The following STPG2 variants were observed in gnomAD, a reference collection of about 807,000 sequenced individuals.
STPG2 encodes sperm tail PG-rich repeat containing 2.
In STPG2, 56 loss-of-function variants were observed where a neutral mutation model predicts 54.2. The ratio of observed to expected loss-of-function variants is 1.03; its 90% CI spans 0.83 to 1.29. The LOEUF is 1.29. Ranked by LOEUF, STPG2 falls within the 50% of genes most tolerant of loss-of-function variation. The pLI is 0.00. For missense variants in STPG2, 596 were observed against 544.9 expected, an observed-to-expected ratio of 1.09 and a Z score of -0.93; for synonymous variants, 200 against 181.8, an observed-to-expected ratio of 1.10 and a Z score of -0.81.
chr4:97,548,519 G>A (rs574608600), intron 4 of STPG2, among the ~76,000 whole-genome samples: 2 of 152,230 alleles, frequency 1.3e-5, no homozygotes, highest in East Asian at 3.9e-4. Context: ...AAGCCAAAGA[G>A]AGTAAGCATT....
chr4:97,723,705 T>C lies in STPG2; in HGVS notation c.1205-10891A>G, dbSNP rs537325381. On this transcript the variant is annotated intron_variant, in intron 9 of 10. Transcript: ENST00000295268. ...CAGAAAAGGTTTAATTGACTCACATTTCCATGTGGCTAGGGAGGCCTCAGG... is the reference window on the plus strand; with the variant it reads ...CAGAAAAGGTTTAATTGACTCACATCTCCATGTGGCTAGGGAGGCCTCAGG... Among the ~76,000 whole-genome samples, 619 of 152,288 alleles carry C rather than the reference T, an allele frequency of 4.1e-3. 7 individuals carry two copies. Among genetic ancestry groups the C allele is most frequent in the Middle Eastern group, 0.034 (10 of 294 alleles).
intron 5 of STPG2, among the ~76,000 whole-genome samples, chr4:98,104,018 A>T (rs1170800424): frequency 6.6e-6 from 1 of 152,180 alleles, no homozygotes; most frequent in Non-Finnish European, 1.5e-5. Context: ...TTATCTGCTC[A>T]TCATAATGAG....
intron 10 of STPG2, among the ~76,000 whole-genome samples, chr4:97,653,809 G>A (rs953094830): frequency 6.6e-6 from 1 of 152,130 alleles, no homozygotes; most frequent in Admixed American, 6.6e-5. Context: ...TGTGGGAGGT[G>A]CTGTAAGCAA....
chr4:97,888,137 G>A (rs1730646571), intron 8 of STPG2, among the ~76,000 whole-genome samples: 2 of 152,218 alleles, frequency 1.3e-5, no homozygotes, highest in South Asian at 2.1e-4. Flanking sequence ...GCCTCAAAGG[G>A]AACCCCTACT....
intron 4 of STPG2, among the ~76,000 whole-genome samples, chr4:97,488,175 A>G (rs1414072884): frequency 6.6e-6 from 1 of 151,702 alleles, no homozygotes; most frequent in Admixed American, 6.6e-5. Context: ...ATCAAAATAA[A>G]TGAACCAAAT....
In STPG2 at chr4:98,034,162, G is replaced by C. The variant is rs565355372; in HGVS notation, c.613-52844C>G. On this transcript the variant is annotated intron_variant, in intron 5 of 10. Coordinates refer to ENST00000295268, the MANE Select transcript of STPG2 (RefSeq NM_174952.3). ...AATTAGGAAAAGAGGAACTCAAATT[G>C]TCTCTGTTTGCAGATGACATGATTG... Among the ~76,000 whole-genome samples the C allele has an allele frequency of 3.3e-5, 5 of 152,258 alleles. No individual in the cohort carries two copies. In the South Asian group the frequency reaches 8.3e-4, roughly 25 times the overall value.
At position 97,797,458 on chromosome 4, in the gene STPG2, G is replaced by T. The variant is rs566521584; in HGVS notation, c.1204+43315C>A. 2.8e-3 allele frequency among the ~76,000 whole-genome samples: 431 copies of T among 152,162 alleles called. 3 individuals are homozygous for T. The highest frequency in any genetic ancestry group is 9.5e-3 in the African/African-American group (393 of 41,516). The stretch of plus-strand genomic sequence containing the variant: ...CTATTGAGATAATCCTGTGGTTTTT[G>T]TCTTTGGTTCTGTTTATATGCTGGA... On this transcript the variant is annotated intron_variant, in intron 9 of 10. Coordinates refer to ENST00000295268, the MANE Select transcript of STPG2 (RefSeq NM_174952.3).
intron 10 of STPG2, among the ~76,000 whole-genome samples, chr4:97,580,202 G>A (rs1023921000): frequency 4.0e-5 from 6 of 151,816 alleles, no homozygotes; most frequent in South Asian, 2.1e-4. Flanking sequence ...CTCATTGTCC[G>A]TATTTATTCT....
At chr4:97,731,806 A>G (rs1249315365) in intron 9 of STPG2, among the ~76,000 whole-genome samples, 2 of 152,216 alleles carry the variant, frequency 1.3e-5, no homozygotes, top group Non-Finnish European at 2.9e-5. Context: ...CTGCATCTAC[A>G]GATCTCAGCT....
At chr4:97,971,131 A>G (rs571623023) in intron 7 of STPG2, among the ~76,000 whole-genome samples, 1 of 152,238 alleles carries the variant, frequency 6.6e-6, no homozygotes, top group Non-Finnish European at 1.5e-5. Flanking sequence ...TAGAATGGTG[A>G]TCATTAAAAA....
At chr4:98,094,106 C>A (rs935580805) in intron 5 of STPG2, among the ~76,000 whole-genome samples, 7 of 152,118 alleles carry the variant, frequency 4.6e-5, no homozygotes, top group Admixed American at 3.9e-4. Context: ...TGCCGTGCCT[C>A]CCACAATCCC....
At chr4:98,091,427 G>C (rs1025689745) in intron 5 of STPG2, among the ~76,000 whole-genome samples, 1 of 151,994 alleles carries the variant, frequency 6.6e-6, no homozygotes, top group Non-Finnish European at 1.5e-5. Context: ...CTCATTGCCT[G>C]GAATGTTGTA....
chr4:97,546,342 A>G (rs946743064), intron 4 of STPG2, among the ~76,000 whole-genome samples: 1 of 152,058 alleles, frequency 6.6e-6, no homozygotes, highest in East Asian at 1.9e-4. Flanking sequence ...TAGAAAGTAG[A>G]CAGATATTAC....
intron 10 of STPG2, among the ~76,000 whole-genome samples, chr4:97,621,821 C>T (rs1156319638): frequency 6.6e-6 from 1 of 152,056 alleles, no homozygotes; most frequent in Non-Finnish European, 1.5e-5. Flanking sequence ...AGCCACACAA[C>T]AAAAAACGAA....
intron 5 of STPG2, among the ~76,000 whole-genome samples, chr4:98,061,801 T>C (rs1213452860): frequency 1.3e-5 from 2 of 151,980 alleles, no homozygotes; most frequent in Non-Finnish European, 1.5e-5. Context: ...AAATAACAGA[T>C]GTTGGTGAGG....
rs1730713874 is a variant in STPG2, at chr4:97,500,989, G to T, written c.462+211710C>A. ...TCAATCAAGCACTTTCAAAACTATG[G>T]CATGTAAGAACCTGTTTTTCTACTG... On this transcript the variant is annotated intron_variant, in intron 4 of 4. Coordinates refer to the STPG2 transcript ENST00000522676. Among the ~76,000 whole-genome samples the T allele has an allele frequency of 3.3e-5, 5 of 152,140 alleles. No individual in the cohort carries two copies. The South Asian group carries it at 1.0e-3, about 32-fold the overall frequency.
At chr4:97,786,959 G>C (rs1726846413) in intron 9 of STPG2, among the ~76,000 whole-genome samples, 2 of 152,018 alleles carry the variant, frequency 1.3e-5, no homozygotes, top group South Asian at 4.1e-4. Flanking sequence ...TATAGTATAG[G>C]TACATTCCAG....
rs181996644 is a variant in STPG2 at position 97,796,103 on chromosome 4, C to T, written c.1204+44670G>A. 9.4e-4 allele frequency among the ~76,000 whole-genome samples: 143 copies of T among 152,226 alleles called. 2 individuals are homozygous for T. In the East Asian group the frequency reaches 0.023, roughly 25 times the overall value. On this transcript the variant is annotated intron_variant, in intron 9 of 10. Transcript: ENST00000295268. Reference sequence around the variant, plus strand: ...TCTTTGTAGATTCTGGATATTAGCCCTTTGTCAGATGAATAGATTGCAAAA... The same window carrying T: ...TCTTTGTAGATTCTGGATATTAGCCTTTTGTCAGATGAATAGATTGCAAAA...
chr4:98,057,583 G>T (rs1737520112), intron 5 of STPG2, among the ~76,000 whole-genome samples: 1 of 152,156 alleles, frequency 6.6e-6, no homozygotes, highest in Non-Finnish European at 1.5e-5. Flanking sequence ...ATATATGACA[G>T]ATTGGTGTCC....
Sources: gnomAD v4.1 joint callset for allele counts (sites outside exome capture counted in the v4.1 genomes callset) on GRCh38, gnomAD v4.1.1 for gene constraint, MANE v1.5 for transcripts, NCBI Gene and HGNC (gene_info 2026-07-23, HGNC 2026-07-21) for gene names.